RBFOX1: variants seen among roughly 807,000 people sequenced by gnomAD.
The protein encoded by RBFOX1 is RNA binding protein fox-1 homolog 1.
In RBFOX1, 8 loss-of-function variants were observed where a neutral mutation model predicts 57.7. The observed-to-expected ratio is 0.14, with a 90% CI of 0.08 to 0.25. RBFOX1 has a LOEUF of 0.25. RBFOX1 is among the 10% of genes least tolerant of loss of function. The probability of loss-of-function intolerance (pLI) is 1.00; values close to 1 mark genes in which losing one functional copy is unlikely to be tolerated. For missense variants in RBFOX1, 611 were observed against 548.5 expected (o/e 1.11, Z -1.14); for synonymous variants, 326 against 222.4 (o/e 1.47, Z -4.15).
intron 1 of RBFOX1, among the ~76,000 whole-genome samples, chr16:6,273,862 A>G (rs548174200): frequency 6.6e-6 from 1 of 152,234 alleles, no homozygotes; most frequent in East Asian, 1.9e-4. Context: ...AACTGAACCA[A>G]AAAAATCAAG....
At chr16:7,658,159 C>G (rs1056457544) in intron 12 of RBFOX1, among the ~76,000 whole-genome samples, 2 of 152,138 alleles carry the variant, frequency 1.3e-5, no homozygotes, top group Admixed American at 6.5e-5. Flanking sequence ...GGTTGATGAA[C>G]TTAGCGACTT....
In RBFOX1 at chr16:5,499,045, A is replaced by G. The variant is rs74004338; in HGVS notation, c.258+31791A>G. Among the ~76,000 whole-genome samples the G allele has an allele frequency of 9.6e-3, 1,455 of 152,260 alleles. 27 individuals are homozygous for G. Among genetic ancestry groups the G allele is most frequent in the African/African-American group, 0.034 (1,393 of 41,548 alleles). Reference sequence around the variant, plus strand: ...GTCTCCAGCAGGGCCTGGGATCTCAATATGCACAAGTGCCCCAGGTGGTGC... The same window carrying G: ...GTCTCCAGCAGGGCCTGGGATCTCAGTATGCACAAGTGCCCCAGGTGGTGC... On this transcript the variant is annotated intron_variant, in intron 2 of 2. Transcript: ENST00000585867.
At chr16:6,360,240 A>G (rs937209125) in intron 2 of RBFOX1, among the ~76,000 whole-genome samples, 10 of 148,128 alleles carry the variant, frequency 6.8e-5, no homozygotes, top group African/African-American at 2.3e-4. Context: ...ATTTCTTTAT[A>G]GATTTTTTTT....
intron 3 of RBFOX1, among the ~76,000 whole-genome samples, chr16:6,870,750 C>T (rs542802316): frequency 6.6e-6 from 1 of 152,142 alleles, no homozygotes; most frequent in Non-Finnish European, 1.5e-5. Context: ...CTCCTCCCCA[C>T]CCCAGCCCCT....
At chr16:5,695,616 C>T (rs1395055397) in intron 3 of RBFOX1, among the ~76,000 whole-genome samples, 47 of 152,154 alleles carry the variant, frequency 3.1e-4, no homozygotes, top group Admixed American at 3.1e-3. Context: ...TTATGTGATG[C>T]AATCATCGGT....
chr16:5,454,689 C>T (rs1003251033), intron 1 of RBFOX1, among the ~76,000 whole-genome samples: 1 of 152,094 alleles, frequency 6.6e-6, no homozygotes, highest in South Asian at 2.1e-4. Flanking sequence ...GATTTTGCAG[C>T]CTCCATAATT....
chr16:6,090,793 C>T (rs1471665102), intron 1 of RBFOX1, among the ~76,000 whole-genome samples: 7 of 152,062 alleles, frequency 4.6e-5, no homozygotes, highest in African/African-American at 1.4e-4. Flanking sequence ...TTGTTGGATC[C>T]GTTAAGCTGT....
At chr16:6,541,381 C>G (rs1365129709) in intron 2 of RBFOX1, among the ~76,000 whole-genome samples, 1 of 152,178 alleles carries the variant, frequency 6.6e-6, no homozygotes, top group African/African-American at 2.4e-5. Context: ...CTGTTCTAAA[C>G]AGAGGTTATG....
intron 1 of RBFOX1, among the ~76,000 whole-genome samples, chr16:6,294,286 T>C (rs1024516710): frequency 2.0e-5 from 3 of 152,230 alleles, no homozygotes; most frequent in Non-Finnish European, 4.4e-5. Context: ...AGACTCTTCC[T>C]GAAGGAAGCA....
intron 1 of RBFOX1, among the ~76,000 whole-genome samples, chr16:5,335,544 G>A (rs75084910): frequency 3.5e-4 from 53 of 152,122 alleles, no homozygotes; most frequent in South Asian, 1.0e-3. Flanking sequence ...AGTTTTTCCC[G>A]TCACTGGGGG....
At chr16:6,680,522 C>G (rs1211757467) in intron 3 of RBFOX1, among the ~76,000 whole-genome samples, 1 of 152,144 alleles carries the variant, frequency 6.6e-6, no homozygotes, top group Non-Finnish European at 1.5e-5. Flanking sequence ...CTCGGCCTCC[C>G]AAAGTGCTGG....
chr16:6,126,286 G>T (rs186934836), intron 1 of RBFOX1, among the ~76,000 whole-genome samples: 1 of 152,184 alleles, frequency 6.6e-6, no homozygotes, highest in Non-Finnish European at 1.5e-5. Context: ...CCTAACCTTC[G>T]CAGGCCGTTG....
At chr16:5,415,828 C>T (rs2067145714) in intron 1 of RBFOX1, among the ~76,000 whole-genome samples, 1 of 152,096 alleles carries the variant, frequency 6.6e-6, no homozygotes, top group Non-Finnish European at 1.5e-5. Context: ...CTGTATCTCC[C>T]ATTAAGGCTA....
Position 7,156,839 on chromosome 16 carries a change from T to C in RBFOX1, c.27+104741T>C, listed in dbSNP as rs144684799. Among the ~76,000 whole-genome samples the C allele has an allele frequency of 4.4e-3, 663 of 152,324 alleles. 2 individuals carry two copies. The highest frequency in any genetic ancestry group is 0.015 in the African/African-American group (636 of 41,572). On this transcript the variant is annotated intron_variant, in intron 4 of 15. Coordinates refer to ENST00000550418, the MANE Select transcript of RBFOX1 (RefSeq NM_018723.4). ...TGCACAATTATAGGATAATTTCTTA[T>C]TTAATGGCTAGATCGATTTACTTTT...
intron 4 of RBFOX1, among the ~76,000 whole-genome samples, chr16:7,367,200 C>A (rs1330108730): frequency 6.6e-6 from 1 of 152,092 alleles, no homozygotes; most frequent in South Asian, 2.1e-4. Flanking sequence ...GCTGAGGCCC[C>A]CACCCCCATC....
chr16:6,102,549 T>TTC (rs56815401), intron 1 of RBFOX1, among the ~76,000 whole-genome samples: 11,463 of 151,540 alleles, frequency 0.076, 1,373 homozygotes, highest in African/African-American at 0.26. Flanking sequence ...TTCAGGATAA[T>TTC]TCTCTCTCTC....
intron 3 of RBFOX1, among the ~76,000 whole-genome samples, chr16:6,746,313 C>A (rs369883457): frequency 6.6e-5 from 10 of 151,964 alleles, no homozygotes; most frequent in Non-Finnish European, 1.2e-4. Flanking sequence ...GCCAAAATAT[C>A]TTTGAAAAAA....
intron 4 of RBFOX1, among the ~76,000 whole-genome samples, chr16:7,440,427 A>G (rs565233025): frequency 2.6e-5 from 4 of 152,258 alleles, no homozygotes; most frequent in Admixed American, 2.0e-4. Flanking sequence ...TCCCAAGCCT[A>G]TGTCCCTTTG....
chr16:6,844,846 C>A (rs924369224), intron 3 of RBFOX1, among the ~76,000 whole-genome samples: 1 of 152,094 alleles, frequency 6.6e-6, no homozygotes, highest in African/African-American at 2.4e-5. Context: ...TTGCCAGCAC[C>A]TGTTTTTTAA....
Sources: gnomAD v4.1 joint callset for allele counts (sites outside exome capture counted in the v4.1 genomes callset) on GRCh38, gnomAD v4.1.1 for gene constraint, MANE v1.5 for transcripts, NCBI Gene and HGNC (gene_info 2026-07-23, HGNC 2026-07-21) for gene names.